DLC1: variants seen among roughly 807,000 people sequenced by gnomAD.
The protein encoded by DLC1 is rho GTPase-activating protein 7.
DLC1 carries 54 observed loss-of-function variants against 140.3 expected under a neutral mutation model. The observed-to-expected ratio is 0.38, with a 90% CI of 0.31 to 0.48. DLC1 has a LOEUF of 0.48. Among genes scored for constraint, DLC1 ranks in the 20% least tolerant of loss-of-function variants. The pLI, the probability that DLC1 is intolerant of heterozygous loss-of-function variation, is 0.96. For missense variants in DLC1, 2,536 were observed against 1,907.0 expected (o/e 1.33, Z -6.14); for synonymous variants, 986 against 728.1 (o/e 1.35, Z -5.70).
chr8:13,440,866 C>A (rs562643351), intron 2 of DLC1, among the ~76,000 whole-genome samples: 115 of 152,266 alleles, frequency 7.6e-4, no homozygotes, highest in African/African-American at 2.3e-3. Context: ...GATTCTGAGG[C>A]CTCTCCAGCC....
At chr8:13,369,831 T>A (rs1269831194) in intron 4 of DLC1, among the ~76,000 whole-genome samples, 1 of 150,956 alleles carries the variant, frequency 6.6e-6, no homozygotes, top group Non-Finnish European at 1.5e-5. Context: ...GAACCCCAAG[T>A]CGGCTCTCCG....
At chr8:13,282,863 G>A (rs1198373434) in intron 5 of DLC1, among the ~76,000 whole-genome samples, 2 of 152,108 alleles carry the variant, frequency 1.3e-5, no homozygotes, top group African/African-American at 4.8e-5. Context: ...ACCCCTTGCT[G>A]TTTCTAAATT....
At chr8:13,549,090 C>G (rs1803759224) in intron 1 of DLC1, among the ~76,000 whole-genome samples, 1 of 152,014 alleles carries the variant, frequency 6.6e-6, no homozygotes, top group Non-Finnish European at 1.5e-5. Context: ...TGAGTCTCCA[C>G]CTACAGATGA....
intron 2 of DLC1, among the ~76,000 whole-genome samples, chr8:13,461,742 A>T (rs1386906583): frequency 6.6e-6 from 1 of 152,120 alleles, no homozygotes; most frequent in Non-Finnish European, 1.5e-5. Context: ...AGATTCAATG[A>T]CTTACCCACC....
intron 1 of DLC1, among the ~76,000 whole-genome samples, chr8:13,560,137 T>C (rs952244562): frequency 6.6e-6 from 1 of 152,246 alleles, no homozygotes; most frequent in Admixed American, 6.5e-5. Flanking sequence ...ATACTGGGCA[T>C]ATTCATTTTG....
In DLC1 at chr8:13,316,016, C is replaced by T. The variant is rs1006917081; in HGVS notation, c.1315-10714G>A. ...GAAAGACTACTAAGTGATAAACAGCCTCTCCTTCCCTGACCCCTTTCGGAT... is the reference window on the plus strand; with the variant it reads ...GAAAGACTACTAAGTGATAAACAGCTTCTCCTTCCCTGACCCCTTTCGGAT... On this transcript the variant is annotated intron_variant, in intron 4 of 17. Transcript: ENST00000276297. 2.0e-5 allele frequency among the ~76,000 whole-genome samples: 3 copies of T among 152,238 alleles called. No individual in the cohort carries two copies. In the East Asian group the frequency reaches 5.8e-4, roughly 29 times the overall value.
At chr8:13,374,458 T>A (rs1360136260) in intron 4 of DLC1, among the ~76,000 whole-genome samples, 1 of 151,942 alleles carries the variant, frequency 6.6e-6, no homozygotes, top group African/African-American at 2.4e-5. Context: ...TGTATATGAG[T>A]GAGGGAAGGG....
At chr8:13,276,035 C>T (rs935444657) in intron 5 of DLC1, among the ~76,000 whole-genome samples, 2 of 152,122 alleles carry the variant, frequency 1.3e-5, no homozygotes, top group Non-Finnish European at 2.9e-5. Context: ...ATAATCAGAC[C>T]AGTAACCAGA....
At chr8:13,247,798 C>T (rs1346352334) in intron 5 of DLC1, among the ~76,000 whole-genome samples, 1 of 152,210 alleles carries the variant, frequency 6.6e-6, no homozygotes, top group Non-Finnish European at 1.5e-5. Context: ...TTGAGGCTCA[C>T]CATCGTGCTA....
At chr8:13,140,546 TC>T (rs905309189) in intron 5 of DLC1, among the ~76,000 whole-genome samples, 1 of 152,058 alleles carries the variant, frequency 6.6e-6, no homozygotes, top group African/African-American at 2.4e-5. Context: ...TTTTTTTTTT[TC>T]AATGAAGCAT....
At chr8:13,604,506 A>C (rs67276565) in intron 1 of DLC1, 1 of 152,094 alleles carries the variant, frequency 6.6e-6, no homozygotes, top group Non-Finnish European at 1.5e-5. Flanking sequence ...TATATGATAC[A>C]AAGTATAAAG....
Position 13,469,453 on chromosome 8 carries a change from T to C in DLC1, c.1023+29596A>G, listed in dbSNP as rs542604708. On this transcript the variant is annotated intron_variant, in intron 2 of 17. Coordinates refer to ENST00000276297, the MANE Select transcript of DLC1 (RefSeq NM_182643.3). Reference sequence around the variant, plus strand: ...TCTGTGGCCTGCAAAAGGTTGCTTATTTTTCAGGGCTTCAGTTTTTTCATC... The same window carrying C: ...TCTGTGGCCTGCAAAAGGTTGCTTACTTTTCAGGGCTTCAGTTTTTTCATC... 7.9e-5 allele frequency among the ~76,000 whole-genome samples: 12 copies of C among 152,278 alleles called. No homozygotes were observed. The South Asian group carries it at 1.7e-3, about 21-fold the overall frequency.
chr8:13,373,970 A>G (rs567124715), intron 4 of DLC1, among the ~76,000 whole-genome samples: 11 of 152,362 alleles, frequency 7.2e-5, no homozygotes, highest in African/African-American at 2.4e-4. Context: ...CCAGATTTGC[A>G]AAGATGTCAT....
At chr8:13,283,646 C>G (rs1292736493) in intron 5 of DLC1, among the ~76,000 whole-genome samples, 1 of 152,144 alleles carries the variant, frequency 6.6e-6, no homozygotes, top group Non-Finnish European at 1.5e-5. Context: ...TCCTGAGTAG[C>G]CTGGACTACA....
At chr8:13,147,967 A>G (rs1032017901) in intron 5 of DLC1, among the ~76,000 whole-genome samples, 1 of 152,178 alleles carries the variant, frequency 6.6e-6, no homozygotes, top group African/African-American at 2.4e-5. Context: ...AGCCTGGGCA[A>G]CAGAGCAAGA....
chr8:13,416,907 A>G (rs1357001984), intron 2 of DLC1, among the ~76,000 whole-genome samples: 1 of 151,956 alleles, frequency 6.6e-6, no homozygotes, highest in Non-Finnish European at 1.5e-5. Context: ...CACTACCTCT[A>G]TCCCTCCTTT....
intron 2 of DLC1, among the ~76,000 whole-genome samples, chr8:13,441,358 G>C (rs1255533384): frequency 6.6e-6 from 1 of 152,170 alleles, no homozygotes; most frequent in Admixed American, 6.5e-5. Context: ...GTTCTGGCCA[G>C]GGCAATCAGG....
At chr8:13,373,134 A>G (rs547205036) in intron 4 of DLC1, among the ~76,000 whole-genome samples, 5 of 152,276 alleles carry the variant, frequency 3.3e-5, no homozygotes, top group Admixed American at 3.3e-4. Context: ...TCCGGCCTAG[A>G]TGTCCCAAAG....
chr8:13,418,372 A>G (rs572853682), intron 2 of DLC1, among the ~76,000 whole-genome samples: 1 of 152,282 alleles, frequency 6.6e-6, no homozygotes, highest in Non-Finnish European at 1.5e-5. Context: ...TCTTTAATCC[A>G]TCTTGAATTA....
Sources: allele counts gnomAD v4.1 joint callset (sites outside exome capture counted in the v4.1 genomes callset), GRCh38; gene constraint gnomAD v4.1.1; transcripts MANE v1.5; gene names NCBI Gene and HGNC (gene_info 2026-07-23, HGNC 2026-07-21).